Variants in PREX1 observed in about 807,000 individuals in gnomAD.
PREX1 encodes phosphatidylinositol-3,4,5-trisphosphate dependent Rac exchange factor 1, also known as phosphatidylinositol 3,4,5-trisphosphate-dependent Rac exchanger 1 protein.
A neutral mutation model predicts 198.3 loss-of-function variants in PREX1; 41 were observed. The observed-to-expected ratio is 0.21, with a 90% CI of 0.16 to 0.27. The LOEUF (loss-of-function observed/expected upper bound fraction) is 0.27. PREX1 is among the 10% of genes least tolerant of loss of function. PREX1 has a pLI of 1.00. For synonymous variants in PREX1, 843 were observed against 887.2 expected (o/e 0.95, Z 0.89); for missense variants, 1,620 against 2,200.7 (o/e 0.74, Z 5.28).
intron 7 of PREX1, among the ~76,000 whole-genome samples, chr20:48,694,159 C>T (rs552629059): frequency 1.3e-4 from 19 of 151,678 alleles, no homozygotes; most frequent in Admixed American, 1.3e-4. Flanking sequence ...TTATCCACCC[C>T]CCTCGGCCTC....
At chr20:48,759,304 C>T (rs1464856641) in intron 1 of PREX1, among the ~76,000 whole-genome samples, 1 of 152,006 alleles carries the variant, frequency 6.6e-6, no homozygotes, top group Non-Finnish European at 1.5e-5. Context: ...AATACCAGCA[C>T]TTTGGGAGGC....
chr20:48,666,333 T>C lies in PREX1; in HGVS notation c.1688A>G (p.Glu563Gly), dbSNP rs1464578302. The C allele has an allele frequency of 1.3e-6, 2 of 1,565,848 alleles. No individual in the cohort carries two copies. Among genetic ancestry groups the C allele is most frequent in the Non-Finnish European group, 1.7e-6 (2 of 1,155,832 alleles). Reference sequence around the variant, plus strand: ...CAGACCCACGCCGAGCGCCACTGCCTCCTCCCGAGTCTGGCAGTCTCCCTG... The same window carrying C: ...CAGACCCACGCCGAGCGCCACTGCCCCCTCCCGAGTCTGGCAGTCTCCCTG... ...LAQGDCQTREEAVALGVGLCN... is the reference protein window; with the variant it reads ...LAQGDCQTREGAVALGVGLCN... The change falls in exon 15 of 40, where the codon GAG becomes GGG. Residue 563 changes from glutamate (E) to glycine (G), a missense_variant. This residue lies in a region of PREX1 where 488 missense variants were observed against 802.5 expected (regional missense o/e 0.61). Transcript: ENST00000371941. The surrounding 1 kb of genome is among the most constrained non-coding windows in gnomAD (Gnocchi z 4.3).
the PREX1 span, among the ~76,000 whole-genome samples, chr20:48,835,306 C>A: frequency 1.3e-5 from 2 of 152,204 alleles, no homozygotes; most frequent in Non-Finnish European, 2.9e-5. Context: ...ATGCCTGGGA[C>A]TGTTCTAGGT....
chr20:48,738,732 C>T (rs2090068238), intron 3 of PREX1, among the ~76,000 whole-genome samples: 1 of 152,062 alleles, frequency 6.6e-6, no homozygotes, highest in African/African-American at 2.4e-5. Context: ...GAGGGGAGCT[C>T]ACCCCCAGGA....
At chr20:48,786,426 C>G (rs927607064) in intron 1 of PREX1, among the ~76,000 whole-genome samples, 1 of 151,662 alleles carries the variant, frequency 6.6e-6, no homozygotes, top group African/African-American at 2.4e-5. Flanking sequence ...AAGAAAGTGG[C>G]GGGGAAACGG....
chr20:48,796,833 A>T (rs1232389405), intron 1 of PREX1, among the ~76,000 whole-genome samples: 1 of 151,418 alleles, frequency 6.6e-6, no homozygotes, highest in Non-Finnish European at 1.5e-5. Context: ...ATTTTAAATT[A>T]ATTTAAAAGA....
Position 48,636,521 on chromosome 20 carries a change from T to C in PREX1, c.4109A>G (p.Gln1370Arg), listed in dbSNP as rs1166916084. The stretch of plus-strand genomic sequence containing the variant: ...CAGCAGGACGCCCGTGGCCGCCACC[T>C]GCTCCAGCCACTTGCGGCTGGCGTC... ...SRDASRKWLE[Q>R]VAATGVLLHC... Residue 1370 changes from glutamine to arginine, a missense_variant, in exon 32 of 40, where the codon CAG becomes CGG. Around this residue, in one of 7 missense-constraint regions of PREX1, gnomAD observed 476 missense variants for 603.4 expected, o/e 0.79. Transcript: ENST00000371941. The C allele has an allele frequency of 3.1e-6, 5 of 1,610,852 alleles. No homozygotes were observed. In the Admixed American group the frequency reaches 8.3e-5, roughly 27 times the overall value.
intron 5 of PREX1, among the ~76,000 whole-genome samples, chr20:48,722,046 C>T (rs1455465352): frequency 1.3e-5 from 2 of 152,132 alleles, no homozygotes; most frequent in Non-Finnish European, 2.9e-5. Flanking sequence ...AATGCAGAAA[C>T]TCAACGGGCC....
intron 39 of PREX1, among the ~76,000 whole-genome samples, chr20:48,626,442 T>C (rs2089273156): frequency 6.6e-6 from 1 of 152,236 alleles, no homozygotes; most frequent in Admixed American, 6.5e-5. Flanking sequence ...TTCCATTTAC[T>C]AGCTGTGTGA....
intron 5 of PREX1, among the ~76,000 whole-genome samples, chr20:48,711,702 C>T (rs2089932031): frequency 6.6e-6 from 1 of 152,176 alleles, no homozygotes; most frequent in African/African-American, 2.4e-5. Flanking sequence ...AAACTATTTA[C>T]TATCTGATCC....
chr20:48,655,623 C>T (rs558347481), intron 18 of PREX1, among the ~76,000 whole-genome samples: 2 of 152,304 alleles, frequency 1.3e-5, no homozygotes, highest in Non-Finnish European at 2.9e-5. Context: ...CTTCTGTCCT[C>T]GAACAGAAAT....
At chr20:48,722,090 G>A (rs1479152001) in intron 5 of PREX1, among the ~76,000 whole-genome samples, 6 of 152,244 alleles carry the variant, frequency 3.9e-5, no homozygotes, top group East Asian at 1.9e-4. Context: ...GGAGAGGTCC[G>A]GGCTGAAGTC....
intron 1 of PREX1, among the ~76,000 whole-genome samples, chr20:48,821,102 T>A (rs2123076727): frequency 6.6e-6 from 1 of 152,168 alleles, no homozygotes; most frequent in East Asian, 1.9e-4. Context: ...TTCGGGAGGA[T>A]GAGGCAAGAG....
intron 7 of PREX1, among the ~76,000 whole-genome samples, chr20:48,694,101 AG>A (rs2089833580): frequency 6.6e-6 from 1 of 151,960 alleles, no homozygotes; most frequent in Admixed American, 6.6e-5. Context: ...TAGTAGAGAC[AG>A]GGTTTCACCA....
In PREX1 at chr20:48,679,757, GGA is replaced by G; in HGVS notation, c.1436-5_1436-4del. The G allele has an allele frequency of 6.2e-7, 1 of 1,603,672 alleles. No individual in the cohort carries two copies. Among genetic ancestry groups the G allele is most frequent in the Non-Finnish European group, 8.5e-7 (1 of 1,170,488 alleles). Reference sequence around the variant, plus strand: ...CTTGAACTGGTGCTTGTCGGAAACTGGAGAGACAGGAGGACCTGTGACGCTGG... The same window carrying G: ...CTTGAACTGGTGCTTGTCGGAAACTGGAGACAGGAGGACCTGTGACGCTGG... On this transcript the variant is annotated splice_region_variant and splice_polypyrimidine_tract_variant and intron_variant, in intron 11 of 39. Coordinates refer to ENST00000371941, the MANE Select transcript of PREX1 (RefSeq NM_020820.4).
chr20:48,665,014 T>G (rs35868993), intron 15 of PREX1, among the ~76,000 whole-genome samples: 1 of 109,578 alleles, frequency 9.1e-6, no homozygotes, highest in East Asian at 6.2e-4. Flanking sequence ...TAATCCCGAC[T>G]CCAGACGGCC....
intron 1 of PREX1, among the ~76,000 whole-genome samples, chr20:48,792,751 A>T (rs1261270698): frequency 6.6e-6 from 1 of 151,816 alleles, no homozygotes; most frequent in African/African-American, 2.4e-5. Context: ...ATACAGCCAT[A>T]AAAAAGGAAT....
intron 1 of PREX1, among the ~76,000 whole-genome samples, chr20:48,753,290 A>G (rs2122805839): frequency 6.6e-6 from 1 of 152,360 alleles, no homozygotes; most frequent in East Asian, 1.9e-4. Flanking sequence ...GAGGTCAAAC[A>G]GCAAACTGGT....
intron 1 of PREX1, among the ~76,000 whole-genome samples, chr20:48,772,739 C>T (rs1282542182): frequency 6.6e-6 from 1 of 152,216 alleles, no homozygotes; most frequent in East Asian, 1.9e-4. Context: ...CACTGCCGTC[C>T]AGCCAGGATG....
Sources: gnomAD v4.1 joint callset for allele counts (sites outside exome capture counted in the v4.1 genomes callset) on GRCh38, gnomAD v4.1.1 for gene constraint, gnomAD v4.1.1 regional missense constraint, Gnocchi (gnomAD v3.1) non-coding constraint, MANE v1.5 for transcripts, NCBI Gene and HGNC (gene_info 2026-07-23, HGNC 2026-07-21) for gene names.